The following THRB variants were observed in gnomAD, a reference collection of about 807,000 sequenced individuals.
The protein encoded by THRB is nuclear receptor subfamily 1 group A member 2.
In THRB, 12 loss-of-function variants were observed where a neutral mutation model predicts 47.8. The observed-to-expected ratio is 0.25, with a 90% CI of 0.16 to 0.41. THRB has a LOEUF of 0.41. Among genes scored for constraint, THRB ranks in the 10% least tolerant of loss-of-function variants. The pLI, the probability that THRB is intolerant of heterozygous loss-of-function variation, is 1.00. For synonymous variants in THRB, 218 were observed against 212.2 expected, an observed-to-expected ratio of 1.03 and a Z score of -0.24; for missense variants, 348 against 589.2, an observed-to-expected ratio of 0.59 and a Z score of 4.24.
intron 2 of THRB, among the ~76,000 whole-genome samples, chr3:24,317,472 G>GT (rs1304972799): frequency 6.6e-6 from 1 of 152,116 alleles, no homozygotes; most frequent in East Asian, 1.9e-4. Context: ...TATTAGAAAT[G>GT]TAAGTGTCTG....
intron 1 of THRB, among the ~76,000 whole-genome samples, chr3:24,358,928 C>T (rs2063879068): frequency 2.0e-5 from 3 of 152,130 alleles, no homozygotes; most frequent in Non-Finnish European, 4.4e-5. Flanking sequence ...TTTATGCTCT[C>T]ACGACTTCCT....
At chr3:24,314,525 A>G (rs1243671085) in intron 2 of THRB, among the ~76,000 whole-genome samples, 1 of 152,168 alleles carries the variant, frequency 6.6e-6, no homozygotes, top group Non-Finnish European at 1.5e-5. Flanking sequence ...CTTTTTTTTA[A>G]ATAACATCAA....
rs576525047 is a variant in THRB at position 24,374,301 on chromosome 3, TATACTC to T, written c.-260-36936_-260-36931del. Among the ~76,000 whole-genome samples, 143 of 152,228 alleles carry T rather than the reference TATACTC, an allele frequency of 9.4e-4. 1 individual carries two copies. The highest frequency in any genetic ancestry group is 1.5e-3 in the Admixed American group (23 of 15,258). On this transcript the variant is annotated intron_variant, in intron 1 of 10. Transcript: ENST00000646209. The stretch of plus-strand genomic sequence containing the variant: ...CATTATAAGCATATAAAGACAGACT[TATACTC>T]AAGAACATATTTTTAGACAAATATT...
intron 2 of THRB, among the ~76,000 whole-genome samples, chr3:24,335,565 C>G (rs2062195702): frequency 6.6e-6 from 1 of 152,070 alleles, no homozygotes; most frequent in African/African-American, 2.4e-5. Context: ...AAGTAAAATG[C>G]ACAGGTGAGT....
chr3:24,278,572 G>T (rs969004392), intron 3 of THRB, among the ~76,000 whole-genome samples: 2 of 151,932 alleles, frequency 1.3e-5, no homozygotes, highest in Non-Finnish European at 2.9e-5. Context: ...AAAGAACCTA[G>T]GATTATAGAA....
At chr3:24,133,252 G>C (rs2034143105) in intron 9 of THRB, 64 bp downstream of exon 9, 1 of 1,556,704 alleles carries the variant, frequency 6.4e-7, no homozygotes, top group African/African-American at 1.4e-5. Context: ...ATAATACCCA[G>C]TATTCCTGGA....
chr3:24,378,447 A>G lies in THRB; in HGVS notation c.-260-41076T>C, dbSNP rs924652947. Reference sequence around the variant, plus strand: ...GGATATTCCTACTGTATTTGCAAAGAGACTATGTTACCTATCTCTTAGCCT... The same window carrying G: ...GGATATTCCTACTGTATTTGCAAAGGGACTATGTTACCTATCTCTTAGCCT... On this transcript the variant is annotated intron_variant, in intron 1 of 10. Coordinates refer to ENST00000646209, the MANE Select transcript of THRB (RefSeq NM_001354712.2). Among the ~76,000 whole-genome samples, 4 of 152,284 alleles carry G rather than the reference A, an allele frequency of 2.6e-5. No homozygotes were observed. In the South Asian group the frequency reaches 8.3e-4, roughly 32 times the overall value.
At chr3:24,351,311 A>T (rs1009955140) in intron 1 of THRB, among the ~76,000 whole-genome samples, 2 of 152,072 alleles carry the variant, frequency 1.3e-5, no homozygotes, top group African/African-American at 4.8e-5. Context: ...TACGTAAAGG[A>T]TATAATACCC....
At chr3:24,454,565 C>A (rs1374376476) in intron 1 of THRB, among the ~76,000 whole-genome samples, 1 of 152,182 alleles carries the variant, frequency 6.6e-6, no homozygotes, top group African/African-American at 2.4e-5. Flanking sequence ...GTTTTTACTA[C>A]ACTTTAAAAT....
At chr3:24,131,666 G>A (rs951008690) in intron 9 of THRB, among the ~76,000 whole-genome samples, 5 of 152,174 alleles carry the variant, frequency 3.3e-5, no homozygotes, top group African/African-American at 1.2e-4. Flanking sequence ...TTGTGCCCTT[G>A]TAAAAGACAT....
chr3:24,366,233 A>G (rs183975138), intron 1 of THRB, among the ~76,000 whole-genome samples: 6 of 152,320 alleles, frequency 3.9e-5, no homozygotes, highest in Admixed American at 3.9e-4. Flanking sequence ...GTTGAATCAG[A>G]CACTATTCCT....
chr3:24,281,761 C>CA (rs1207288028), intron 3 of THRB, among the ~76,000 whole-genome samples: 24 of 144,410 alleles, frequency 1.7e-4, no homozygotes, highest in African/African-American at 5.9e-4. Flanking sequence ...AAATGGAAAA[C>CA]AAAAAAAGGC....
rs1251141250 is a variant in THRB, at chr3:24,180,917, AGAGGT to A, written c.283+9152_283+9156del. 5.9e-5 allele frequency among the ~76,000 whole-genome samples: 9 copies of A among 152,288 alleles called. 1 individual carries two copies. In the South Asian group the frequency reaches 1.9e-3, roughly 32 times the overall value. On this transcript the variant is annotated intron_variant, in intron 5 of 10. Coordinates refer to ENST00000646209, the MANE Select transcript of THRB (RefSeq NM_001354712.2). ...AAAACTCAAAGCCTCCCTGCCCTGG[AGAGGT>A]AAGGATGTAAGTCAGTACTGGTCAC...
chr3:24,319,058 C>T (rs2058308888), intron 2 of THRB, among the ~76,000 whole-genome samples: 1 of 152,156 alleles, frequency 6.6e-6, no homozygotes, highest in Non-Finnish European at 1.5e-5. Context: ...CAATGAGAGA[C>T]TATTACATAC....
At position 24,220,585 on chromosome 3, in the gene THRB, C is replaced by T. The variant is rs62253715; in HGVS notation, c.22+8353G>A. 5.5e-3 allele frequency among the ~76,000 whole-genome samples: 841 copies of T among 152,246 alleles called. 7 individuals carry two copies. The highest frequency in any genetic ancestry group is 0.046 in the South Asian group (220 of 4,824). ...CAAAGAGAGGGATCAAATTTCTGGT[C>T]ACCTGGCTGTCATTTTGGAAACTGA... On this transcript the variant is annotated intron_variant, in intron 4 of 10. Transcript: ENST00000646209.
chr3:24,136,386 A>G (rs897395353), intron 8 of THRB, among the ~76,000 whole-genome samples: 1 of 152,170 alleles, frequency 6.6e-6, no homozygotes, highest in Non-Finnish European at 1.5e-5. Flanking sequence ...GAATCTATCT[A>G]TCTGTTTGTC....
At chr3:24,305,174 T>C (rs1347902684) in intron 2 of THRB, among the ~76,000 whole-genome samples, 1 of 152,234 alleles carries the variant, frequency 6.6e-6, no homozygotes, top group Non-Finnish European at 1.5e-5. Context: ...TCACAGTATG[T>C]TTCCTGGATC....
intron 2 of THRB, among the ~76,000 whole-genome samples, chr3:24,300,688 G>A (rs1042142891): frequency 6.6e-6 from 1 of 152,266 alleles, no homozygotes; most frequent in Non-Finnish European, 1.5e-5. Context: ...AACTGCAGTG[G>A]TGGATATTAT....
At chr3:24,372,033 C>T (rs1162716069) in intron 1 of THRB, among the ~76,000 whole-genome samples, 1 of 152,102 alleles carries the variant, frequency 6.6e-6, no homozygotes, top group Non-Finnish European at 1.5e-5. Flanking sequence ...CCAGTGGCAT[C>T]TGTTTTGCTT....
Sources: gnomAD v4.1 joint callset for allele counts (sites outside exome capture counted in the v4.1 genomes callset) on GRCh38, gnomAD v4.1.1 for gene constraint, MANE v1.5 for transcripts, NCBI Gene and HGNC (gene_info 2026-07-23, HGNC 2026-07-21) for gene names.